ST6GALNAC5: variants seen among roughly 807,000 people sequenced by gnomAD.
ST6GALNAC5 encodes the protein ST6 N-acetylgalactosaminide alpha-2,6-sialyltransferase 5.
ST6GALNAC5 carries 27 observed loss-of-function variants against 33.6 expected under a neutral mutation model. The observed-to-expected ratio is 0.80, with a 90% CI of 0.59 to 1.11. ST6GALNAC5 has a LOEUF of 1.11. ST6GALNAC5 is among the 50% of genes least tolerant of loss of function. ST6GALNAC5 has a pLI of 0.00. For missense variants in ST6GALNAC5, 428 were observed against 454.0 expected (o/e 0.94, Z 0.52); for synonymous variants, 194 against 171.2 (o/e 1.13, Z -1.04).
At chr1:76,949,652 A>G (rs1213946011) in intron 2 of ST6GALNAC5, among the ~76,000 whole-genome samples, 2 of 152,062 alleles carry the variant, frequency 1.3e-5, no homozygotes, top group Non-Finnish European at 2.9e-5. Flanking sequence ...CATCAGTCCT[A>G]TGTCATACTG....
At chr1:76,914,656 G>A (rs1390166700) in intron 2 of ST6GALNAC5, among the ~76,000 whole-genome samples, 1 of 152,166 alleles carries the variant, frequency 6.6e-6, no homozygotes, top group Non-Finnish European at 1.5e-5. Flanking sequence ...AGCTGAAACT[G>A]GATCCCTTCC....
chr1:76,981,536 T>C (rs1218317478), intron 2 of ST6GALNAC5, among the ~76,000 whole-genome samples: 2 of 152,216 alleles, frequency 1.3e-5, no homozygotes, highest in African/African-American at 4.8e-5. Context: ...CTACTGCCTC[T>C]AGACTCCACC....
intron 2 of ST6GALNAC5, among the ~76,000 whole-genome samples, chr1:76,879,141 C>T (rs1157856996): frequency 2.6e-5 from 4 of 152,166 alleles, no homozygotes; most frequent in African/African-American, 9.7e-5. Flanking sequence ...CTTCTGGAAC[C>T]TCCCAGCTGG....
intron 2 of ST6GALNAC5, among the ~76,000 whole-genome samples, chr1:77,022,441 A>G (rs945348485): frequency 6.6e-6 from 1 of 152,214 alleles, no homozygotes; most frequent in Admixed American, 6.5e-5. Flanking sequence ...TGCTTACAAC[A>G]ATATTAGATT....
intron 2 of ST6GALNAC5, among the ~76,000 whole-genome samples, chr1:76,922,613 G>A (rs956918761): frequency 2.0e-5 from 3 of 152,092 alleles, no homozygotes; most frequent in African/African-American, 7.2e-5. Flanking sequence ...AAGATAGTGT[G>A]GTATTACCAG....
At chr1:76,961,430 A>T (rs1392489588) in intron 2 of ST6GALNAC5, among the ~76,000 whole-genome samples, 1 of 152,236 alleles carries the variant, frequency 6.6e-6, no homozygotes, top group Non-Finnish European at 1.5e-5. Flanking sequence ...GGGTGATGTC[A>T]GCCTCCCTTG....
intron 2 of ST6GALNAC5, among the ~76,000 whole-genome samples, chr1:76,900,095 G>T (rs1036712448): frequency 2.6e-5 from 4 of 152,114 alleles, no homozygotes; most frequent in African/African-American, 9.7e-5. Flanking sequence ...GGGAGATAAG[G>T]GTGGGGCTGT....
intron 2 of ST6GALNAC5, among the ~76,000 whole-genome samples, chr1:76,886,588 A>G (rs1001305196): frequency 6.6e-6 from 1 of 152,136 alleles, no homozygotes; most frequent in African/African-American, 2.4e-5. Flanking sequence ...AAAATCAACT[A>G]TTTCATTTTG....
intron 2 of ST6GALNAC5, among the ~76,000 whole-genome samples, chr1:77,018,166 AAGC>A (rs907184507): frequency 6.6e-6 from 1 of 152,194 alleles, no homozygotes; most frequent in Non-Finnish European, 1.5e-5. Context: ...AGAAAAAAGA[AAGC>A]AGGAAGGAGA....
At chr1:77,057,048 C>T (rs1652421998) in intron 4 of ST6GALNAC5, among the ~76,000 whole-genome samples, 1 of 152,204 alleles carries the variant, frequency 6.6e-6, no homozygotes, top group African/African-American at 2.4e-5. Flanking sequence ...AATTGCAGAA[C>T]AACCTAGCAG....
At chr1:77,038,586 A>C (rs1454939693) in intron 2 of ST6GALNAC5, among the ~76,000 whole-genome samples, 3 of 152,200 alleles carry the variant, frequency 2.0e-5, no homozygotes, top group African/African-American at 4.8e-5. Context: ...CCATGCTGCA[A>C]ATGTTTACAA....
chr1:76,961,422 G>A (rs555491937), intron 2 of ST6GALNAC5, among the ~76,000 whole-genome samples: 1 of 152,296 alleles, frequency 6.6e-6, no homozygotes, highest in South Asian at 2.1e-4. Flanking sequence ...TGAAAATTGG[G>A]TGATGTCAGC....
chr1:76,895,576 A>G (rs1367340117), intron 2 of ST6GALNAC5, among the ~76,000 whole-genome samples: 2 of 152,202 alleles, frequency 1.3e-5, no homozygotes, highest in Admixed American at 6.5e-5. Flanking sequence ...CAGATTAGAG[A>G]GTGCCTAAGG....
chr1:76,875,700 C>T (rs950797467), intron 2 of ST6GALNAC5, among the ~76,000 whole-genome samples: 14 of 152,050 alleles, frequency 9.2e-5, no homozygotes, highest in African/African-American at 2.9e-4. Flanking sequence ...TGAGTGGTTC[C>T]GCTTCCACTT....
chr1:76,890,102 T>G (rs535899433), intron 2 of ST6GALNAC5, among the ~76,000 whole-genome samples: 1 of 152,170 alleles, frequency 6.6e-6, no homozygotes, highest in Non-Finnish European at 1.5e-5. Context: ...GAAAATCCAC[T>G]TCTTCAAAGA....
intron 2 of ST6GALNAC5, among the ~76,000 whole-genome samples, chr1:77,004,885 C>T (rs1326568847): frequency 2.2e-5 from 3 of 139,220 alleles, no homozygotes; most frequent in African/African-American, 7.4e-5. Context: ...AGAACCACTG[C>T]TCTCTTCAAA....
intron 2 of ST6GALNAC5, among the ~76,000 whole-genome samples, chr1:77,007,897 T>C (rs1433857086): frequency 1.3e-5 from 2 of 152,230 alleles, no homozygotes; most frequent in African/African-American, 2.4e-5. Context: ...CATAGCTACC[T>C]GAGGGAGGGC....
At chr1:76,949,311 G>A (rs1289778344) in intron 2 of ST6GALNAC5, among the ~76,000 whole-genome samples, 1 of 152,152 alleles carries the variant, frequency 6.6e-6, no homozygotes, top group Non-Finnish European at 1.5e-5. Context: ...TGGGGTTGAG[G>A]AGAAAGATGA....
intron 2 of ST6GALNAC5, among the ~76,000 whole-genome samples, chr1:77,017,150 CA>C (rs11304509): frequency 0.49 from 51,601 of 104,772 alleles, 10,035 homozygotes; most frequent in African/African-American, 0.59. Context: ...CAGGAAAAGG[CA>C]AAAAAAAAAA....
Sources: allele counts gnomAD v4.1 joint callset (sites outside exome capture counted in the v4.1 genomes callset), GRCh38; gene constraint gnomAD v4.1.1; transcripts MANE v1.5; gene names NCBI Gene and HGNC (gene_info 2026-07-23, HGNC 2026-07-21).